Variants in EBF3 observed in about 807,000 individuals in gnomAD.
The protein encoded by EBF3 is EBF transcription factor 3.
In EBF3, 18 loss-of-function variants were observed where a neutral mutation model predicts 77.1. That is an observed-to-expected ratio of 0.23 (90% CI 0.16 to 0.35). EBF3 has a LOEUF of 0.35. EBF3 is among the 10% of genes least tolerant of loss of function. The probability of loss-of-function intolerance (pLI) is 1.00; values close to 1 mark genes in which losing one functional copy is unlikely to be tolerated. For missense variants in EBF3, 558 were observed against 860.0 expected (o/e 0.65, Z 4.39); for synonymous variants, 350 against 343.5 (o/e 1.02, Z -0.21).
At chr10:129,939,502 G>C (rs919890634) in intron 6 of EBF3, among the ~76,000 whole-genome samples, 1 of 152,174 alleles carries the variant, frequency 6.6e-6, no homozygotes, top group African/African-American at 2.4e-5. Flanking sequence ...TTAAAGACTT[G>C]GGGTTTTTGT....
At chr10:129,927,235 C>A (rs1002812284) in intron 6 of EBF3, among the ~76,000 whole-genome samples, 2 of 152,306 alleles carry the variant, frequency 1.3e-5, no homozygotes, top group Non-Finnish European at 2.9e-5. Flanking sequence ...CCAGGAGGAA[C>A]CAGCACCAGC....
intron 6 of EBF3, among the ~76,000 whole-genome samples, chr10:129,951,848 C>T (rs1304468487): frequency 2.0e-5 from 3 of 152,248 alleles, no homozygotes; most frequent in Non-Finnish European, 4.4e-5. Flanking sequence ...TGAAAGCATG[C>T]CATTGTGCCT....
chr10:129,918,993 A>G (rs962412618), intron 6 of EBF3, among the ~76,000 whole-genome samples: 4 of 152,178 alleles, frequency 2.6e-5, no homozygotes, highest in African/African-American at 9.6e-5. Context: ...ACCAAGGGCA[A>G]GGGTACATCA....
chr10:129,906,915 T>C (rs552194786), intron 6 of EBF3, among the ~76,000 whole-genome samples: 9 of 152,276 alleles, frequency 5.9e-5, no homozygotes, highest in East Asian at 3.9e-4. Flanking sequence ...TCCCACCAGC[T>C]GGGGTTGCCT....
At chr10:129,875,187 C>CTTTTTTTTT (rs1193539598) in intron 7 of EBF3, among the ~76,000 whole-genome samples, 4 of 92,940 alleles carry the variant, frequency 4.3e-5, no homozygotes, top group African/African-American at 1.2e-4. Flanking sequence ...ATGGCTTCTT[C>CTTTTTTTTT]TTTTTTTTTT....
chr10:129,841,940 C>T lies in EBF3; in HGVS notation c.1372+176G>A, dbSNP rs1234457829. ...CTCTCTGAGTGTTCTTACCCCAGCA[C>T]TGGCTGGGAGGACCTGCAGCAAGGT... On this transcript the variant is annotated intron_variant, in intron 13 of 16. Transcript: ENST00000440978. The surrounding 1 kb of genome is among the most constrained non-coding windows in gnomAD (Gnocchi z 4.6). Among the ~76,000 whole-genome samples, 4 of 152,202 alleles carry T rather than the reference C, an allele frequency of 2.6e-5. No individual in the cohort carries two copies. Among genetic ancestry groups the T allele is most frequent in the African/African-American group, 7.2e-5 (3 of 41,460 alleles).
chr10:129,958,259 T>C (rs942895029), intron 5 of EBF3, among the ~76,000 whole-genome samples: 3 of 152,252 alleles, frequency 2.0e-5, no homozygotes, highest in Non-Finnish European at 2.9e-5. Flanking sequence ...CCTGCTACTG[T>C]AGCCTGGAAG....
At chr10:129,862,397 T>A (rs1851703806) in intron 10 of EBF3, among the ~76,000 whole-genome samples, 1 of 152,136 alleles carries the variant, frequency 6.6e-6, no homozygotes, top group South Asian at 2.1e-4. Flanking sequence ...ACTGCCAATA[T>A]CTTGTTTAGT....
In EBF3 at chr10:129,938,411, AG is replaced by A. The variant is rs1240448035; in HGVS notation, c.554+18846del. ...AAAAAAAAAAAGACAAAAATTAGCC[AG>A]GCATGGTGGTGCACACCTGTAGTCC... is the stretch of plus-strand genomic sequence containing the variant. On this transcript the variant is annotated intron_variant, in intron 6 of 16. Transcript: ENST00000440978. The surrounding 1 kb of genome is among the most constrained non-coding windows in gnomAD (Gnocchi z 5.1). 6.6e-6 allele frequency among the ~76,000 whole-genome samples: 1 copy of A among 150,450 alleles called. No individual in the cohort carries two copies. The highest frequency in any genetic ancestry group is 1.5e-5 in the Non-Finnish European group (1 of 67,714).
At chr10:129,926,377 G>A (rs1308027769) in intron 6 of EBF3, among the ~76,000 whole-genome samples, 3 of 152,206 alleles carry the variant, frequency 2.0e-5, no homozygotes, top group African/African-American at 7.2e-5. Flanking sequence ...TGGCTGGTGT[G>A]AAGGTGGGGG....
At chr10:129,909,183 T>G (rs1278257153) in intron 6 of EBF3, among the ~76,000 whole-genome samples, 1 of 152,200 alleles carries the variant, frequency 6.6e-6, no homozygotes, top group East Asian at 1.9e-4. Flanking sequence ...CCAGAACCCA[T>G]GATCTCCCCA....
At chr10:129,852,306 G>A (rs754179784) in intron 10 of EBF3, among the ~76,000 whole-genome samples, 9 of 152,200 alleles carry the variant, frequency 5.9e-5, no homozygotes, top group South Asian at 2.1e-4. Context: ...AGTCATGCCC[G>A]TGTACTGGGG....
chr10:129,957,259 T>C lies in EBF3; in HGVS notation c.553A>G (p.Arg185Gly). 1 of 1,603,996 alleles carries C rather than the reference T, an allele frequency of 6.2e-7. No individual in the cohort carries two copies. The highest frequency in any genetic ancestry group is 8.5e-7 in the Non-Finnish European group (1 of 1,174,050). ...GAAAAATAAAGAAGTCATCCTTACC[T>C]GTCAATGATTACAGGGTCTGAGGGC... ...ETPSDPVIID[R>G]FFLKFFLKCN... The change falls in exon 6 of 17, where the codon AGA (arginine) becomes GGA (glycine). Residue 185 changes from arginine (R) to glycine (G), a missense_variant and splice_region_variant. Coordinates refer to ENST00000440978, the MANE Select transcript of EBF3 (RefSeq NM_001375380.1).
chr10:129,930,116 G>A (rs1398114593), intron 6 of EBF3, among the ~76,000 whole-genome samples: 2 of 152,160 alleles, frequency 1.3e-5, no homozygotes, highest in African/African-American at 4.8e-5. Context: ...TGCACTCTGG[G>A]ATTCACACCA....
chr10:129,942,842 C>T (rs1418114549), intron 6 of EBF3, among the ~76,000 whole-genome samples: 3 of 152,200 alleles, frequency 2.0e-5, no homozygotes, highest in African/African-American at 7.2e-5. Context: ...CCATACAAAT[C>T]TAAATTGGGG....
At chr10:129,936,840 C>T (rs866748353) in intron 6 of EBF3, among the ~76,000 whole-genome samples, 1 of 152,108 alleles carries the variant, frequency 6.6e-6, no homozygotes, top group Admixed American at 6.5e-5. Flanking sequence ...GGAAGCACTG[C>T]TACAACCAAG....
At chr10:129,877,466 G>A (rs888811914) in intron 7 of EBF3, among the ~76,000 whole-genome samples, 1 of 115,240 alleles carries the variant, frequency 8.7e-6, no homozygotes, top group Admixed American at 1.2e-4. Context: ...GGGATACAGA[G>A]CAAGACTCTG....
chr10:129,881,830 A>T (rs1853235763), intron 6 of EBF3, among the ~76,000 whole-genome samples: 1 of 152,218 alleles, frequency 6.6e-6, no homozygotes, highest in Non-Finnish European at 1.5e-5. Flanking sequence ...AGAAATCCCG[A>T]GGCCCTCATT....
chr10:129,936,757 T>TGGGGACCCAGGGGGCTGTGG (rs1857392872), intron 6 of EBF3, among the ~76,000 whole-genome samples: 1 of 140,104 alleles, frequency 7.1e-6, no homozygotes, highest in Non-Finnish European at 1.6e-5. Context: ...CTCAGCTGTG[T>TGGGGACCCAGGGGGCTGTGG]GGGGACCCAG....
Sources: gnomAD v4.1 joint callset for allele counts (sites outside exome capture counted in the v4.1 genomes callset) on GRCh38, gnomAD v4.1.1 for gene constraint, Gnocchi (gnomAD v3.1) non-coding constraint, MANE v1.5 for transcripts, NCBI Gene and HGNC (gene_info 2026-07-23, HGNC 2026-07-21) for gene names.